SAMD5: variants seen among roughly 807,000 people sequenced by gnomAD.
SAMD5 encodes sterile alpha motif domain containing 5, also known as sterile alpha motif domain-containing protein 5.
SAMD5 carries 13 observed loss-of-function variants against 11.3 expected under a neutral mutation model. The ratio of observed to expected loss-of-function variants is 1.15; its 90% CI spans 0.75 to 1.83. The LOEUF (loss-of-function observed/expected upper bound fraction) is 1.83. Ranked by LOEUF, SAMD5 falls within the 40% of genes most tolerant of loss-of-function variation. The pLI, the probability that SAMD5 is intolerant of heterozygous loss-of-function variation, is 0.00. For missense variants in SAMD5, 255 were observed against 239.1 expected (o/e 1.07, Z -0.44); for synonymous variants, 129 against 111.3 (o/e 1.16, Z -1.00).
At position 147,569,525 on chromosome 6, in the gene SAMD5, C is replaced by G; in HGVS notation, c.*5069C>G. 2.3e-6 allele frequency: 2 copies of G among 859,958 alleles called. No individual in the cohort carries two copies. Among genetic ancestry groups the G allele is most frequent in the Non-Finnish European group, 2.8e-6 (2 of 715,680 alleles). 53.3% of individuals were successfully genotyped at this position (859,958 alleles called of 1,614,324 possible). ...GGGAAATGTCTTTTATAGGTATATT[C>G]TGTATAATACCCTTAATTAGATGAA... On this transcript the variant is annotated 3_prime_UTR_variant, in exon 2 of 2. Coordinates refer to ENST00000367474, the MANE Select transcript of SAMD5 (RefSeq NM_001030060.3).
the SAMD5 span, among the ~76,000 whole-genome samples, chr6:147,848,211 C>T: frequency 2.0e-5 from 3 of 152,248 alleles, no homozygotes; most frequent in East Asian, 5.8e-4. Flanking sequence ...ATCAAAAACT[C>T]GACAAATCGC....
chr6:147,797,661 AC>A, the SAMD5 span, among the ~76,000 whole-genome samples: 1 of 140,980 alleles, frequency 7.1e-6, no homozygotes, highest in Non-Finnish European at 1.5e-5. Flanking sequence ...TCCTCCTTGT[AC>A]CTCTGGTAGA....
chr6:147,635,674 C>A (rs986044795), intron 1 of SAMD5, among the ~76,000 whole-genome samples: 1 of 152,230 alleles, frequency 6.6e-6, no homozygotes, highest in Non-Finnish European at 1.5e-5. Context: ...TAGGAGACAT[C>A]ATGTAAGCAG....
the SAMD5 span, among the ~76,000 whole-genome samples, chr6:147,830,500 G>A: frequency 5.4e-4 from 82 of 151,628 alleles, no homozygotes; most frequent in Non-Finnish European, 7.5e-4. Context: ...CAAATGATCC[G>A]CCGCCTCAGC....
the SAMD5 span, among the ~76,000 whole-genome samples, chr6:147,947,134 T>C: frequency 6.6e-6 from 1 of 152,208 alleles, no homozygotes; most frequent in South Asian, 2.1e-4. Flanking sequence ...TTGCTCTGCA[T>C]AGAATAAAAA....
chr6:147,552,786 C>G (rs1788795479), intron 1 of SAMD5, among the ~76,000 whole-genome samples: 2 of 152,134 alleles, frequency 1.3e-5, no homozygotes, highest in Non-Finnish European at 2.9e-5. Flanking sequence ...TATGCTTTAA[C>G]AAGCTGAGAA....
the SAMD5 span, among the ~76,000 whole-genome samples, chr6:147,835,164 T>TGG: frequency 1.4e-5 from 2 of 143,012 alleles, no homozygotes; most frequent in Admixed American, 1.5e-4. Context: ...ACCTGGGAGG[T>TGG]GGAGGTTGCA....
the SAMD5 span, among the ~76,000 whole-genome samples, chr6:147,842,273 G>A: frequency 3.9e-5 from 6 of 152,110 alleles, 1 homozygote; most frequent in South Asian, 1.0e-3. Flanking sequence ...GACCTAACAC[G>A]CTTTCTCTCC....
chr6:147,918,919 A>G, the SAMD5 span, among the ~76,000 whole-genome samples: 1 of 151,902 alleles, frequency 6.6e-6, no homozygotes, highest in Non-Finnish European at 1.5e-5. Flanking sequence ...GTTAGCCAGG[A>G]TGGTCTCAAT....
rs566236994 is a variant in SAMD5 at position 147,636,309 on chromosome 6, C to A, written c.163-101008C>A. Among the ~76,000 whole-genome samples, 5 of 152,164 alleles carry A rather than the reference C, an allele frequency of 3.3e-5. No homozygotes were observed. In the East Asian group the frequency reaches 9.7e-4, roughly 29 times the overall value. The stretch of plus-strand genomic sequence containing the variant: ...ATTCTGTAATAACTAGAATTTAATT[C>A]CTCCAAACACCAAGAAATGCCATTT... On this transcript the variant is annotated intron_variant, in intron 1 of 1. Transcript: ENST00000566741.
chr6:147,580,895 T>G (rs1462671356), intron 1 of SAMD5, among the ~76,000 whole-genome samples: 1 of 152,140 alleles, frequency 6.6e-6, no homozygotes, highest in Non-Finnish European at 1.5e-5. Context: ...CACCTGACCT[T>G]GGAGTCATAG....
At chr6:147,607,770 C>T (rs746958664) in intron 1 of SAMD5, among the ~76,000 whole-genome samples, 2 of 152,134 alleles carry the variant, frequency 1.3e-5, no homozygotes, top group Non-Finnish European at 2.9e-5. Context: ...GCACAGGCAA[C>T]CAAAGCAAAT....
intron 1 of SAMD5, among the ~76,000 whole-genome samples, chr6:147,672,545 C>A (rs1171930652): frequency 6.6e-6 from 1 of 152,062 alleles, no homozygotes; most frequent in African/African-American, 2.4e-5. Context: ...TATGGATAAT[C>A]ATGGTATATT....
At chr6:147,954,210 A>G in the SAMD5 span, among the ~76,000 whole-genome samples, 31 of 152,344 alleles carry the variant, frequency 2.0e-4, no homozygotes, top group East Asian at 4.8e-3. Flanking sequence ...TTTAAGCTCG[A>G]ATTGTATTGA....
intron 1 of SAMD5, among the ~76,000 whole-genome samples, chr6:147,710,448 C>G (rs1458448725): frequency 6.6e-6 from 1 of 152,196 alleles, no homozygotes; most frequent in East Asian, 1.9e-4. Flanking sequence ...CTAACCCTGT[C>G]TGGCCCCATC....
intron 1 of SAMD5, among the ~76,000 whole-genome samples, chr6:147,718,227 A>G (rs1791494892): frequency 6.6e-6 from 1 of 152,152 alleles, no homozygotes; most frequent in African/African-American, 2.4e-5. Flanking sequence ...AGAGTGGTGT[A>G]TTTATTGTCT....
intron 1 of SAMD5, among the ~76,000 whole-genome samples, chr6:147,614,822 T>G (rs1330824003): frequency 6.6e-6 from 1 of 151,988 alleles, no homozygotes; most frequent in Non-Finnish European, 1.5e-5. Context: ...GGTTTTTGCA[T>G]TTTACCATAG....
At chr6:147,517,049 G>A (rs192330383) in intron 1 of SAMD5, among the ~76,000 whole-genome samples, 1 of 152,180 alleles carries the variant, frequency 6.6e-6, no homozygotes, top group Non-Finnish European at 1.5e-5. Flanking sequence ...TTTCACTGAG[G>A]TAGAAAGTCC....
chr6:147,893,312 A>G, the SAMD5 span, among the ~76,000 whole-genome samples: 1 of 152,078 alleles, frequency 6.6e-6, no homozygotes. Flanking sequence ...GAAATGGAGG[A>G]TTAGAGGAGT....
Sources: allele counts gnomAD v4.1 joint callset (sites outside exome capture counted in the v4.1 genomes callset), GRCh38; gene constraint gnomAD v4.1.1; transcripts MANE v1.5; gene names NCBI Gene and HGNC (gene_info 2026-07-23, HGNC 2026-07-21).